MLLT10: variants seen among roughly 807,000 people sequenced by gnomAD.
MLLT10 encodes the protein protein AF-10.
MLLT10 carries 30 observed loss-of-function variants against 129.1 expected under a neutral mutation model. The observed-to-expected ratio is 0.23, with a 90% CI of 0.17 to 0.32. The LOEUF is 0.32. Ranked by LOEUF, MLLT10 falls within the 10% of genes least tolerant of loss-of-function variation. The pLI is 1.00. For missense variants in MLLT10, 1,119 were observed against 1,268.3 expected (o/e 0.88, Z 1.79); for synonymous variants, 490 against 446.4 (o/e 1.10, Z -1.23).
chr10:21,651,021 A>G (rs2048965715), intron 8 of MLLT10, among the ~76,000 whole-genome samples: 1 of 150,154 alleles, frequency 6.7e-6, no homozygotes, highest in Non-Finnish European at 1.5e-5. Context: ...AATGTTCACA[A>G]AAGTATTTGG....
At chr10:21,736,258 G>C (rs183279742) in intron 21 of MLLT10, among the ~76,000 whole-genome samples, 1 of 152,132 alleles carries the variant, frequency 6.6e-6, no homozygotes, top group Non-Finnish European at 1.5e-5. Context: ...TATGGGCTAC[G>C]TATTGAAAAC....
chr10:21,556,895 C>G, intron 3 of MLLT10: 1 of 1,550,706 alleles, frequency 6.4e-7, no homozygotes. Context: ...TGGCTTTATG[C>G]CATTTATCTC....
Position 21,589,052 on chromosome 10 carries a change from C to G in MLLT10, c.295+2704C>G, listed in dbSNP as rs368315096. Among the ~76,000 whole-genome samples the G allele has an allele frequency of 7.2e-5, 11 of 152,120 alleles. No homozygotes were observed. In the East Asian group the frequency reaches 1.5e-3, roughly 21 times the overall value. ...TTGGCCTCCCAAAGTGATGGGACTA[C>G]AGGTGTGAGCCACCATGCCCAGCCA... On this transcript the variant is annotated intron_variant, in intron 4 of 22. Transcript: ENST00000307729.
intron 16 of MLLT10, among the ~76,000 whole-genome samples, chr10:21,730,302 CA>C: frequency 1.2e-5 from 1 of 86,018 alleles, no homozygotes; most frequent in South Asian, 4.5e-4. Flanking sequence ...ACCCTATCTC[CA>C]AAAATGAAAA....
intron 14 of MLLT10, among the ~76,000 whole-genome samples, chr10:21,717,552 T>C (rs1272051335): frequency 4.3e-5 from 5 of 115,004 alleles, no homozygotes; most frequent in South Asian, 3.4e-4. Flanking sequence ...CCTTCTTCTT[T>C]CTTCTTCTTT....
In MLLT10 at chr10:21,743,614, T is replaced by A. The variant is rs1212086284; in HGVS notation, c.*1631T>A. 1 of 171,708 alleles carries A rather than the reference T, an allele frequency of 5.8e-6. No individual in the cohort carries two copies. Among genetic ancestry groups the A allele is most frequent in the Non-Finnish European group, 1.3e-5 (1 of 79,104 alleles). The allele number at this position is 171,708 out of a possible 1,614,324, so 10.6% of individuals were successfully genotyped here. A position where few individuals can be genotyped will look rare whatever the true frequency, so the allele number is the denominator to read the frequency against. The stretch of plus-strand genomic sequence containing the variant: ...TGTACAAAATGTTTTGTTAATAAAA[T>A]TTAATAATGTTTATAACTCCGTGCC... On this transcript the variant is annotated 3_prime_UTR_variant, in exon 23 of 23. Transcript: ENST00000307729.
At chr10:21,708,606 T>C (rs2055770017) in intron 13 of MLLT10, 32 of 985,174 alleles carry the variant, frequency 3.2e-5, no homozygotes, top group South Asian at 4.7e-5. Context: ...GTACCAGATA[T>C]TGTTTCAAAG....
intron 22 of MLLT10, 28 bp downstream of exon 22, chr10:21,740,264 A>G (rs752842817): frequency 6.3e-7 from 1 of 1,598,848 alleles, no homozygotes; most frequent in South Asian, 1.1e-5. Context: ...ACTACATCTA[A>G]TGAAACAAGA....
chr10:21,581,626 C>T (rs2041467217), intron 3 of MLLT10, among the ~76,000 whole-genome samples: 2 of 152,130 alleles, frequency 1.3e-5, no homozygotes, highest in African/African-American at 4.8e-5. Context: ...GCAGTTTCCC[C>T]CATCCTGTTC....
At chr10:21,739,298 G>A (rs184058371) in intron 21 of MLLT10, among the ~76,000 whole-genome samples, 1 of 152,172 alleles carries the variant, frequency 6.6e-6, no homozygotes, top group Non-Finnish European at 1.5e-5. Flanking sequence ...TCCTCTGGAG[G>A]CCTTTGGCAC....
At position 21,651,903 on chromosome 10, in the gene MLLT10, CTTTTTTTTTTTT is replaced by C. The variant is rs775460288; in HGVS notation, c.795+151_795+162del. On this transcript the variant is annotated intron_variant, in intron 9 of 22. Coordinates refer to ENST00000307729, the MANE Select transcript of MLLT10 (RefSeq NM_001195626.3). ...TATCAGGCACTTAGAATTCTCATTT[CTTTTTTTTTTTT>C]TTTTTTTTTTTTTTTGAGATGGAGT... is the stretch of plus-strand genomic sequence containing the variant. 999 of 133,764 alleles carry C rather than the reference CTTTTTTTTTTTT, an allele frequency of 7.5e-3. 14 individuals carry two copies. The highest frequency in any genetic ancestry group is 0.04 in the African/African-American group (818 of 20,400). The allele number at this position is 133,764 out of a possible 1,614,324, so 8.3% of individuals were successfully genotyped here. A position where few individuals can be genotyped will look rare whatever the true frequency, so the allele number is the denominator to read the frequency against.
chr10:21,659,423 A>G (rs2049942419), intron 9 of MLLT10, among the ~76,000 whole-genome samples: 1 of 152,166 alleles, frequency 6.6e-6, no homozygotes, highest in African/African-American at 2.4e-5. Flanking sequence ...CGTAAAAACC[A>G]AAGGAAAAAT....
At chr10:21,688,515 C>CA (rs1442603418) in intron 13 of MLLT10, 1 of 1,612,630 alleles carries the variant, frequency 6.2e-7, no homozygotes, top group African/African-American at 1.3e-5. Context: ...TCTACACTAA[C>CA]AAAGCAAGAA....
intron 13 of MLLT10, among the ~76,000 whole-genome samples, chr10:21,705,030 C>T (rs1052516260): frequency 6.6e-6 from 1 of 152,010 alleles, no homozygotes; most frequent in African/African-American, 2.4e-5. Flanking sequence ...ATTCTTGTGC[C>T]TCGAGGTGGA....
intron 4 of MLLT10, among the ~76,000 whole-genome samples, chr10:21,591,428 G>A (rs1260229131): frequency 6.6e-6 from 1 of 152,012 alleles, no homozygotes; most frequent in African/African-American, 2.4e-5. Context: ...AGTCTATCTT[G>A]GACAGAAGTA....
At position 21,742,261 on chromosome 10, in the gene MLLT10, A is replaced by C. The variant is rs1330433370; in HGVS notation, c.*278A>C. The C allele has an allele frequency of 8.3e-6, 3 of 361,696 alleles. No homozygotes were observed. Among genetic ancestry groups the C allele is most frequent in the Non-Finnish European group, 1.5e-5 (3 of 202,316 alleles). The allele number at this position is 361,696 out of a possible 1,614,324, so 22.4% of individuals were successfully genotyped here. A position where few individuals can be genotyped will look rare whatever the true frequency, so the allele number is the denominator to read the frequency against. ...TTTTAAAGTGACATAATTTACATGC[A>C]ATATGTTTATCAACTCAAGAATTTA... On this transcript the variant is annotated 3_prime_UTR_variant, in exon 23 of 23. Transcript: ENST00000307729.
intron 13 of MLLT10, among the ~76,000 whole-genome samples, chr10:21,701,931 GTCTC>G (rs1371491000): frequency 6.7e-6 from 1 of 149,134 alleles, no homozygotes; most frequent in Admixed American, 6.7e-5. Flanking sequence ...GTCTCGTCTC[GTCTC>G]TCTTTTTTTT....
chr10:21,624,758 T>C, intron 8 of MLLT10: 2 of 1,177,370 alleles, frequency 1.7e-6, no homozygotes, highest in Non-Finnish European at 2.5e-6. Flanking sequence ...AGGTTGGTTG[T>C]AAGCATCTGC....
intron 13 of MLLT10, among the ~76,000 whole-genome samples, chr10:21,700,573 G>A (rs1003173168): frequency 2.0e-5 from 3 of 152,174 alleles, no homozygotes; most frequent in East Asian, 3.9e-4. Context: ...AATATGAAGC[G>A]ATGTTGAATT....
Sources: gnomAD v4.1 joint callset for allele counts (sites outside exome capture counted in the v4.1 genomes callset) on GRCh38, gnomAD v4.1.1 for gene constraint, MANE v1.5 for transcripts, NCBI Gene and HGNC (gene_info 2026-07-23, HGNC 2026-07-21) for gene names.